The following LUZP2 variants were observed in gnomAD, a reference collection of about 807,000 sequenced individuals.
LUZP2 encodes leucine zipper protein 2.
LUZP2 carries 52 observed loss-of-function variants against 51.6 expected under a neutral mutation model. The ratio of observed to expected loss-of-function variants is 1.01; its 90% CI spans 0.81 to 1.27. LUZP2 has a LOEUF of 1.27. Ranked by LOEUF, LUZP2 falls within the 50% of genes most tolerant of loss-of-function variation. LUZP2 has a pLI of 0.00. For synonymous variants in LUZP2, 154 were observed against 137.3 expected (o/e 1.12, Z -0.85); for missense variants, 436 against 395.4 (o/e 1.10, Z -0.87).
At chr11:24,659,017 TCC>T in intron 1 of LUZP2, among the ~76,000 whole-genome samples, 1 of 136,958 alleles carries the variant, frequency 7.3e-6, no homozygotes, top group Non-Finnish European at 1.7e-5. Flanking sequence ...GTGTGGTGAT[TCC>T]TCAGGGATCT....
intron 1 of LUZP2, among the ~76,000 whole-genome samples, chr11:24,641,860 C>T (rs952801159): frequency 2.0e-5 from 3 of 151,804 alleles, no homozygotes; most frequent in Non-Finnish European, 4.4e-5. Context: ...AAATAGTTCT[C>T]GAATTATTCA....
intron 1 of LUZP2, among the ~76,000 whole-genome samples, chr11:24,694,902 A>G (rs1292531056): frequency 6.7e-6 from 1 of 150,124 alleles, no homozygotes; most frequent in Non-Finnish European, 1.5e-5. Flanking sequence ...GGGGAACATC[A>G]CACATTGGGG....
intron 5 of LUZP2, among the ~76,000 whole-genome samples, chr11:24,847,217 G>A (rs61894122): frequency 0.16 from 24,713 of 151,530 alleles, 2,060 homozygotes; most frequent in South Asian, 0.22. Flanking sequence ...CATTTAATTC[G>A]TAGGTCCCAT....
intron 5 of LUZP2, among the ~76,000 whole-genome samples, chr11:24,818,085 G>T (rs1344325220): frequency 6.6e-6 from 1 of 151,984 alleles, no homozygotes; most frequent in African/African-American, 2.4e-5. Flanking sequence ...GCAGCAACTT[G>T]ATTTTTTTAA....
chr11:25,009,762 G>T (rs1237710656), intron 9 of LUZP2, among the ~76,000 whole-genome samples: 2 of 152,052 alleles, frequency 1.3e-5, no homozygotes, highest in African/African-American at 4.8e-5. Context: ...TTCATGAAAA[G>T]AAAATGAATG....
rs112670333 is a variant in LUZP2, at chr11:24,952,105, A to G, written c.523-24486A>G. ...GGAGAATCATAGATTTGATAATAAGATGAACAAATATTAAATAATGTGGAA... is the reference window on the plus strand; with the variant it reads ...GGAGAATCATAGATTTGATAATAAGGTGAACAAATATTAAATAATGTGGAA... On this transcript the variant is annotated intron_variant, in intron 7 of 11. Coordinates refer to ENST00000336930, the MANE Select transcript of LUZP2 (RefSeq NM_001009909.4). 7.4e-3 allele frequency among the ~76,000 whole-genome samples: 1,127 copies of G among 151,856 alleles called. 15 individuals are homozygous for G. The highest frequency in any genetic ancestry group is 0.023 in the African/African-American group (940 of 41,506).
intron 9 of LUZP2, among the ~76,000 whole-genome samples, chr11:25,021,671 A>G (rs891118982): frequency 6.6e-6 from 1 of 152,068 alleles, no homozygotes; most frequent in Non-Finnish European, 1.5e-5. Context: ...AGGAATTTTC[A>G]TGTTAACTGA....
chr11:24,656,779 T>C (rs1258631476), intron 1 of LUZP2, among the ~76,000 whole-genome samples: 1 of 152,192 alleles, frequency 6.6e-6, no homozygotes, highest in Non-Finnish European at 1.5e-5. Flanking sequence ...TAAGTCCGCT[T>C]TGCGCTCCGA....
chr11:24,557,274 T>C (rs559844258), intron 1 of LUZP2, among the ~76,000 whole-genome samples: 1 of 152,264 alleles, frequency 6.6e-6, no homozygotes, highest in Admixed American at 6.5e-5. Context: ...ATTGAATCAA[T>C]GAGTAGAAGA....
chr11:24,965,852 A>G (rs1046739272), intron 7 of LUZP2, among the ~76,000 whole-genome samples: 3 of 151,814 alleles, frequency 2.0e-5, no homozygotes, highest in Non-Finnish European at 4.4e-5. Flanking sequence ...ATAGCACCCA[A>G]GGAATCATAA....
At position 25,077,353 on chromosome 11, in the gene LUZP2, C is replaced by A. The variant is rs949628734; in HGVS notation, c.883C>A (p.His295Asn). ...QDEGRPCSMK[H>N]KESPPSNATA... The stretch of plus-strand genomic sequence containing the variant: ...GGAGGGCAGACCGTGTTCCATGAAG[C>A]ACAAAGAAAGTCCCCCAAGTAATGC... Residue 295 changes from histidine to asparagine, a missense_variant, in exon 11 of 12, where the codon CAC (histidine) becomes AAC (asparagine). Coordinates refer to ENST00000336930, the MANE Select transcript of LUZP2 (RefSeq NM_001009909.4). 8.1e-6 allele frequency: 13 copies of A among 1,612,760 alleles called. No individual in the cohort carries two copies. The highest frequency in any genetic ancestry group is 1.1e-5 in the Non-Finnish European group (13 of 1,179,070).
At chr11:24,851,996 G>C (rs1330328308) in intron 5 of LUZP2, among the ~76,000 whole-genome samples, 1 of 151,974 alleles carries the variant, frequency 6.6e-6, no homozygotes, top group Non-Finnish European at 1.5e-5. Context: ...GTGTCTATTT[G>C]ATTCTTCTCT....
At chr11:24,659,963 T>A (rs910074015) in intron 1 of LUZP2, among the ~76,000 whole-genome samples, 4 of 152,144 alleles carry the variant, frequency 2.6e-5, no homozygotes, top group African/African-American at 9.7e-5. Context: ...GCAGTTGTAA[T>A]TAGGTCCATA....
chr11:25,038,138 T>A (rs1288741101), intron 9 of LUZP2, among the ~76,000 whole-genome samples: 1 of 152,150 alleles, frequency 6.6e-6, no homozygotes, highest in Non-Finnish European at 1.5e-5. Context: ...CTCCCAGGAA[T>A]GCCAATGAGT....
intron 7 of LUZP2, among the ~76,000 whole-genome samples, chr11:24,927,944 A>G (rs1265207912): frequency 1.3e-5 from 2 of 151,568 alleles, no homozygotes; most frequent in Non-Finnish European, 2.9e-5. Flanking sequence ...CCTTGTAGAG[A>G]CCTTTCACCT....
chr11:25,069,433 G>C (rs910532863), intron 10 of LUZP2, among the ~76,000 whole-genome samples: 2 of 151,784 alleles, frequency 1.3e-5, no homozygotes, highest in Non-Finnish European at 1.5e-5. Context: ...CAGATACCTG[G>C]TAAGTTATGG....
chr11:24,958,219 G>A (rs1264393890), intron 7 of LUZP2, among the ~76,000 whole-genome samples: 1 of 152,168 alleles, frequency 6.6e-6, no homozygotes, highest in Non-Finnish European at 1.5e-5. Flanking sequence ...ACATATGTGT[G>A]CATGTGTCTT....
chr11:24,985,098 A>T (rs925462995), intron 9 of LUZP2, among the ~76,000 whole-genome samples: 1 of 151,750 alleles, frequency 6.6e-6, no homozygotes, highest in African/African-American at 2.4e-5. Flanking sequence ...GAATTTAGAA[A>T]ATTATACATT....
chr11:24,724,103 T>A (rs1346919334), intron 1 of LUZP2, among the ~76,000 whole-genome samples: 1 of 152,194 alleles, frequency 6.6e-6, no homozygotes, highest in Non-Finnish European at 1.5e-5. Context: ...TCTCTTAAAT[T>A]TCCGAGGTGT....
Sources: gnomAD v4.1 joint callset for allele counts (sites outside exome capture counted in the v4.1 genomes callset) on GRCh38, gnomAD v4.1.1 for gene constraint, MANE v1.5 for transcripts, NCBI Gene and HGNC (gene_info 2026-07-23, HGNC 2026-07-21) for gene names.